The following MREG variants were observed in gnomAD, a reference collection of about 807,000 sequenced individuals.
MREG encodes the protein dilute suppressor protein homolog.
Under a neutral mutation model 28.5 loss-of-function variants are expected in MREG, and 31 were observed. The ratio of observed to expected loss-of-function variants is 1.09; its 90% confidence interval spans 0.82 to 1.47. The LOEUF is 1.47. Among genes scored for constraint, MREG ranks in the 40% most tolerant of loss-of-function variants. The probability of loss-of-function intolerance (pLI) is 0.00; values close to 1 mark genes in which losing one functional copy is unlikely to be tolerated. For missense variants in MREG, 256 were observed against 257.4 expected (o/e 0.99, Z 0.04); for synonymous variants, 106 against 95.2 (o/e 1.11, Z -0.66).
At chr2:216,014,581 G>A (rs1039850811), upstream of MREG, among the ~76,000 whole-genome samples, 30 of 151,746 alleles carry the variant, frequency 2.0e-4, no homozygotes, top group Non-Finnish European at 4.4e-5. Flanking sequence ...CCCGAGAGGC[G>A]GAGGTTGCAG....
chr2:216,015,782 G>A (rs1286718331), upstream of MREG, among the ~76,000 whole-genome samples: 2 of 152,166 alleles, frequency 1.3e-5, no homozygotes, highest in Non-Finnish European at 2.9e-5. Context: ...TATGCTGAAG[G>A]ATTGTAAATA....
rs1692926926 is a variant in MREG, at chr2:215,965,920, AG to A, written c.256-18808del. On this transcript the variant is annotated intron_variant, in intron 2 of 4. Transcript: ENST00000263268. ...AATGAGAGGAATGATCTTTGCTAGG[AG>A]GAAAAACCTTGTCTACTGAATGCCC... is the stretch of plus-strand genomic sequence containing the variant. Among the ~76,000 whole-genome samples, 3 of 152,218 alleles carry A rather than the reference AG, an allele frequency of 2.0e-5. No homozygotes were observed. In the South Asian group the frequency reaches 6.2e-4, roughly 32 times the overall value.
intron 1 of MREG, among the ~76,000 whole-genome samples, chr2:216,012,701 A>G (rs1244068813): frequency 6.6e-6 from 1 of 152,232 alleles, no homozygotes; most frequent in African/African-American, 2.4e-5. Context: ...CCTGTAATGA[A>G]TCAACATCCT....
At chr2:216,033,078 G>A (rs1317208317), upstream of MREG, 3 of 151,936 alleles carry the variant, frequency 2.0e-5, no homozygotes, top group Non-Finnish European at 4.4e-5. Flanking sequence ...TTTTAGTTGG[G>A]GAACTTCTAA....
chr2:215,965,419 C>A (rs989966241), intron 2 of MREG, among the ~76,000 whole-genome samples: 1 of 152,160 alleles, frequency 6.6e-6, no homozygotes, highest in Admixed American at 6.5e-5. Flanking sequence ...GGAGCCCCAG[C>A]AGAGTTGAGG....
chr2:216,021,335 G>A (rs573065854), intron 1 of MREG, among the ~76,000 whole-genome samples: 16 of 152,052 alleles, frequency 1.1e-4, no homozygotes, highest in South Asian at 4.1e-4. Flanking sequence ...TTATCCACCC[G>A]CCTCGGCCTC....
intron 1 of MREG, among the ~76,000 whole-genome samples, chr2:216,018,808 T>A (rs1170135009): frequency 6.6e-6 from 1 of 152,226 alleles, no homozygotes; most frequent in Non-Finnish European, 1.5e-5. Context: ...GTGTTTTGTT[T>A]TCCTTTGAAG....
chr2:215,960,538 A>G (rs1692752305), intron 2 of MREG, among the ~76,000 whole-genome samples: 1 of 152,190 alleles, frequency 6.6e-6, no homozygotes, highest in Non-Finnish European at 1.5e-5. Flanking sequence ...GCAGGTTTAT[A>G]TAATTAAGAT....
chr2:215,977,490 G>A (rs939197619), intron 2 of MREG, among the ~76,000 whole-genome samples: 8 of 152,106 alleles, frequency 5.3e-5, no homozygotes, highest in Non-Finnish European at 1.0e-4. Context: ...AAATTAACAA[G>A]GATATCTAGG....
At chr2:215,984,740 T>C (rs573807785) in intron 2 of MREG, among the ~76,000 whole-genome samples, 1 of 152,172 alleles carries the variant, frequency 6.6e-6, no homozygotes, top group African/African-American at 2.4e-5. Context: ...CAAGCTGCAA[T>C]CACCATGGAA....
chr2:215,986,312 A>G (rs1693570512), intron 2 of MREG, among the ~76,000 whole-genome samples: 1 of 152,216 alleles, frequency 6.6e-6, no homozygotes, highest in Non-Finnish European at 1.5e-5. Flanking sequence ...GTGGGTCCAC[A>G]TTCTCAACAT....
intron 2 of MREG, among the ~76,000 whole-genome samples, chr2:215,984,213 C>A (rs1157402158): frequency 6.6e-6 from 1 of 152,134 alleles, no homozygotes; most frequent in Non-Finnish European, 1.5e-5. Context: ...CACTTATTCA[C>A]TATCAAGAGA....
intron 2 of MREG, among the ~76,000 whole-genome samples, chr2:215,975,987 C>T (rs535776200): frequency 4.5e-4 from 68 of 151,790 alleles, no homozygotes; most frequent in Admixed American, 7.9e-4. Flanking sequence ...TCGCGGGGGG[C>T]GTGGTATGGG....
At chr2:215,984,518 C>CAAAAAA (rs375220091) in intron 2 of MREG, among the ~76,000 whole-genome samples, 24 of 68,040 alleles carry the variant, frequency 3.5e-4, no homozygotes, top group African/African-American at 1.6e-3. Flanking sequence ...ACCTTGTCAC[C>CAAAAAA]AAAAAAAAAA....
intron 1 of MREG, among the ~76,000 whole-genome samples, chr2:215,998,794 T>G (rs985138336): frequency 6.6e-6 from 1 of 152,228 alleles, no homozygotes; most frequent in African/African-American, 2.4e-5. Context: ...TCAACAAATG[T>G]GGAATAAATG....
At chr2:215,982,177 C>T (rs887328736) in intron 2 of MREG, among the ~76,000 whole-genome samples, 10 of 151,838 alleles carry the variant, frequency 6.6e-5, no homozygotes, top group Non-Finnish European at 1.5e-4. Flanking sequence ...AAAAATTAGC[C>T]GGATGTGGTG....
intron 2 of MREG, among the ~76,000 whole-genome samples, chr2:215,964,198 G>A (rs781165315): frequency 5.3e-5 from 8 of 151,990 alleles, no homozygotes; most frequent in Non-Finnish European, 8.8e-5. Flanking sequence ...TAGAAAGAAA[G>A]TCAGGCCAGG....
chr2:215,986,552 T>C (rs1693577574), intron 2 of MREG, among the ~76,000 whole-genome samples: 2 of 152,242 alleles, frequency 1.3e-5, no homozygotes, highest in African/African-American at 4.8e-5. Context: ...TGAAGTGATA[T>C]AGTTTGGCTG....
At position 215,996,500 on chromosome 2, in the gene MREG, T is replaced by C. The variant is rs766868838; in HGVS notation, c.96-35A>G. The C allele has an allele frequency of 1.8e-5, 27 of 1,527,816 alleles. No homozygotes were observed. The Admixed American group carries it at 4.9e-4, about 28-fold the overall frequency. 94.6% of individuals were successfully genotyped at this position (1,527,816 alleles called of 1,614,324 possible). ...AAAAAAAGGAAAGATTGGGGTTTTA[T>C]AATATACATAAAATGTTATATGTCA... On this transcript the variant is annotated intron_variant, in intron 1 of 4. Transcript: ENST00000263268.
Sources: allele counts gnomAD v4.1 joint callset (sites outside exome capture counted in the v4.1 genomes callset), GRCh38; gene constraint gnomAD v4.1.1; transcripts MANE v1.5; gene names NCBI Gene and HGNC (gene_info 2026-07-23, HGNC 2026-07-21).